The following COL11A1 variants were observed in gnomAD, a reference collection of about 807,000 sequenced individuals.
The protein encoded by COL11A1 is collagen alpha-1(XI) chain.
Under a neutral mutation model 265.2 loss-of-function variants are expected in COL11A1, and 74 were observed. The ratio of observed to expected loss-of-function variants is 0.28; its 90% CI spans 0.23 to 0.34. The LOEUF is 0.34. Among genes scored for constraint, COL11A1 ranks in the 10% least tolerant of loss-of-function variants. The probability of loss-of-function intolerance (pLI) is 1.00; values close to 1 mark genes in which losing one functional copy is unlikely to be tolerated. For synonymous variants in COL11A1, 816 were observed against 727.6 expected (o/e 1.12, Z -1.96); for missense variants, 2,165 against 2,263.6 (o/e 0.96, Z 0.88).
At chr1:103,024,394 C>G (rs1240919365) in intron 7 of COL11A1, among the ~76,000 whole-genome samples, 1 of 152,010 alleles carries the variant, frequency 6.6e-6, no homozygotes, top group Non-Finnish European at 1.5e-5. Context: ...ATTTTCTATT[C>G]CATAGTAAAT....
Position 103,032,534 on chromosome 1 carries a change from T to C in COL11A1, c.652-1290A>G, listed in dbSNP as rs549269954. On this transcript the variant is annotated intron_variant, in intron 4 of 66. Coordinates refer to ENST00000370096, the MANE Select transcript of COL11A1 (RefSeq NM_001854.4). Reference sequence around the variant, plus strand: ...CTAGCATAAGGTGGAATAAAATTAATAACTTGAAAAGATATAATCAAATAG... The same window carrying C: ...CTAGCATAAGGTGGAATAAAATTAACAACTTGAAAAGATATAATCAAATAG... Among the ~76,000 whole-genome samples the C allele has an allele frequency of 1.4e-4, 21 of 152,204 alleles. 1 individual carries two copies. The highest frequency in any genetic ancestry group is 4.8e-4 in the African/African-American group (20 of 41,582).
At chr1:103,037,802 C>A (rs1668493144) in intron 4 of COL11A1, among the ~76,000 whole-genome samples, 1 of 152,022 alleles carries the variant, frequency 6.6e-6, no homozygotes, top group African/African-American at 2.4e-5. Context: ...TCTAAGAGAG[C>A]AATTTTTTGT....
At chr1:102,960,891 T>C (rs1290583872) in intron 41 of COL11A1, among the ~76,000 whole-genome samples, 1 of 152,182 alleles carries the variant, frequency 6.6e-6, no homozygotes, top group Admixed American at 6.5e-5. Context: ...GTTAAACTAG[T>C]ATTCTATAGG....
chr1:102,916,869 C>A lies in COL11A1; in HGVS notation c.3763-1185G>T, dbSNP rs542180507. Reference sequence around the variant, plus strand: ...ATTATTTATAAAGAGAGGTATCATTCATCTCAGTAGAATGTAATGATGTTA... The same window carrying A: ...ATTATTTATAAAGAGAGGTATCATTAATCTCAGTAGAATGTAATGATGTTA... On this transcript the variant is annotated intron_variant, in intron 49 of 66. Coordinates refer to ENST00000370096, the MANE Select transcript of COL11A1 (RefSeq NM_001854.4). 6.4e-4 allele frequency among the ~76,000 whole-genome samples: 97 copies of A among 151,952 alleles called. 1 individual carries two copies. Among genetic ancestry groups the A allele is most frequent in the African/African-American group, 2.3e-3 (96 of 41,536 alleles).
chr1:103,031,076 A>G, intron 5 of COL11A1, 40 bp downstream of exon 5: 1 of 1,611,454 alleles, frequency 6.2e-7, no homozygotes, highest in South Asian at 1.1e-5. Context: ...TGTCCATATC[A>G]CTGAAATACG....
rs78308033 is a variant in COL11A1 at position 102,993,983 on chromosome 1, T to C, written c.2340+1881A>G. Reference sequence around the variant, plus strand: ...TGATCAGGATGAACTGAGATTACCGTTAAGTAGGTGAGCTAATGTGAAATG... The same window carrying C: ...TGATCAGGATGAACTGAGATTACCGCTAAGTAGGTGAGCTAATGTGAAATG... On this transcript the variant is annotated intron_variant, in intron 28 of 66. Transcript: ENST00000370096. Among the ~76,000 whole-genome samples, 1,083 of 152,308 alleles carry C rather than the reference T, an allele frequency of 7.1e-3. 13 individuals carry two copies. The highest frequency in any genetic ancestry group is 0.025 in the African/African-American group (1,029 of 41,580).
intron 64 of COL11A1, among the ~76,000 whole-genome samples, 196 bp downstream of exon 64, chr1:102,883,003 T>G (rs1183107205): frequency 1.3e-5 from 2 of 152,128 alleles, no homozygotes; most frequent in Non-Finnish European, 2.9e-5. Context: ...GGGTAAAAAA[T>G]AAAGAAGAGA....
At chr1:102,878,994 C>T (rs574875429) in intron 66 of COL11A1, among the ~76,000 whole-genome samples, 1 of 151,996 alleles carries the variant, frequency 6.6e-6, no homozygotes, top group African/African-American at 2.4e-5. Flanking sequence ...AAGCTTTTCC[C>T]AACTCTTGCT....
chr1:103,038,053 G>T (rs1327867258), intron 4 of COL11A1, among the ~76,000 whole-genome samples: 1 of 152,130 alleles, frequency 6.6e-6, no homozygotes, highest in Non-Finnish European at 1.5e-5. Flanking sequence ...GAAAAATCTT[G>T]ATGATTTGTT....
At chr1:103,098,804 T>G (rs568090345) in intron 1 of COL11A1, among the ~76,000 whole-genome samples, 1 of 151,920 alleles carries the variant, frequency 6.6e-6, no homozygotes, top group Admixed American at 6.6e-5. Context: ...GGAGACAATA[T>G]CTAAATCTCA....
rs193094745 is a variant in COL11A1, at chr1:102,893,747, A to C, written c.4303-3243T>G. Among the ~76,000 whole-genome samples the C allele has an allele frequency of 1.0e-3, 159 of 152,292 alleles. 3 individuals are homozygous for C. The Middle Eastern group carries it at 0.02, about 20-fold the overall frequency. ...TCATTGAAATTTAAAGAAACTGCAG[A>C]TCCTACACTTTATTTAAAATATAAA... is the stretch of plus-strand genomic sequence containing the variant. On this transcript the variant is annotated intron_variant, in intron 57 of 66. Coordinates refer to ENST00000370096, the MANE Select transcript of COL11A1 (RefSeq NM_001854.4).
At position 102,987,679 on chromosome 1, in the gene COL11A1, G is replaced by C. The variant is rs749913678; in HGVS notation, c.2456C>G (p.Ala819Gly). Residue 819 changes from alanine to glycine, a missense_variant, in exon 30 of 67, where the codon GCA becomes GGA. Transcript: ENST00000370096. ...EDGPEGPKGR[A>G]GPTGDPGPSG... Reference sequence around the variant, plus strand: ...AGGACCTGGGTCTCCAGTTGGGCCTGCTCGACCTTTGGGTCCTTCAGGGCC... The same window carrying C: ...AGGACCTGGGTCTCCAGTTGGGCCTCCTCGACCTTTGGGTCCTTCAGGGCC... The C allele has an allele frequency of 6.2e-7, 1 of 1,613,528 alleles. No individual in the cohort carries two copies. The highest frequency in any genetic ancestry group is 1.1e-5 in the South Asian group (1 of 91,078).
intron 49 of COL11A1, among the ~76,000 whole-genome samples, chr1:102,916,901 T>C (rs1163207105): frequency 6.6e-6 from 1 of 152,060 alleles, no homozygotes; most frequent in Non-Finnish European, 1.5e-5. Flanking sequence ...GTTAGTGATG[T>C]TTCCAAGGGC....
chr1:102,994,623 G>A (rs1248340146), intron 28 of COL11A1, among the ~76,000 whole-genome samples: 1 of 151,940 alleles, frequency 6.6e-6, no homozygotes, highest in Admixed American at 6.6e-5. Context: ...GTCTAATAGA[G>A]TATGTTCTTA....
rs1054909630 is a variant in COL11A1, at chr1:102,946,042, T to C, written c.3276+807A>G. Among the ~76,000 whole-genome samples, 34 of 139,812 alleles carry C rather than the reference T, an allele frequency of 2.4e-4. 1 individual carries two copies. The highest frequency in any genetic ancestry group is 2.9e-4 in the Non-Finnish European group (19 of 64,500). The allele number at this position is 139,812 out of a possible 152,430, so 91.7% of individuals were successfully genotyped here. A position where few individuals can be genotyped will look rare whatever the true frequency, so the allele number is the denominator to read the frequency against. ...GTCCTTTGTAGGGACATGGATGAAATTGGAAATCATCATTCTCAGTAAACT... is the reference window on the plus strand; with the variant it reads ...GTCCTTTGTAGGGACATGGATGAAACTGGAAATCATCATTCTCAGTAAACT... On this transcript the variant is annotated intron_variant, in intron 42 of 66. Transcript: ENST00000370096.
At position 102,939,783 on chromosome 1, in the gene COL11A1, G is replaced by A. The variant is rs536497722; in HGVS notation, c.3384+544C>T. Among the ~76,000 whole-genome samples, 61 of 152,082 alleles carry A rather than the reference G, an allele frequency of 4.0e-4. No individual in the cohort carries two copies. The East Asian group carries it at 9.9e-3, about 25-fold the overall frequency. On this transcript the variant is annotated intron_variant, in intron 43 of 66. Transcript: ENST00000370096. ...CTAATTTTCCAGATGCTAAAATGAT[G>A]CACATTATCAGAGTGCTGGTTTAAA...
chr1:103,032,139 C>A (rs1440487185), intron 4 of COL11A1, among the ~76,000 whole-genome samples: 2 of 152,028 alleles, frequency 1.3e-5, no homozygotes, highest in African/African-American at 4.8e-5. Flanking sequence ...AGAGTAATAT[C>A]TGGGCTGATA....
intron 4 of COL11A1, among the ~76,000 whole-genome samples, chr1:103,062,719 C>T (rs905072533): frequency 2.6e-5 from 4 of 151,954 alleles, no homozygotes; most frequent in Non-Finnish European, 5.9e-5. Context: ...GTTAATATTG[C>T]ATTTCTACAT....
At position 102,997,089 on chromosome 1, in the gene COL11A1, C is replaced by G. The variant is rs765354732; in HGVS notation, c.2232G>C (p.Lys744Asn). The change falls in exon 26 of 67, where the codon AAG becomes AAC. Residue 744 changes from lysine to asparagine, a missense_variant. Coordinates refer to ENST00000370096, the MANE Select transcript of COL11A1 (RefSeq NM_001854.4). ...ATACTTTGGAACCTACCAGAGCCCC[C>G]TTTTCTCCAGACTGGCCTTCTTTCC... Reference protein sequence around the residue: ...HPGKEGQSGEKGALGPPGPQG... With the variant: ...HPGKEGQSGENGALGPPGPQG... 1.4e-5 allele frequency: 22 copies of G among 1,611,840 alleles called. No individual in the cohort carries two copies. Among genetic ancestry groups the G allele is most frequent in the Non-Finnish European group, 1.9e-5 (22 of 1,178,434 alleles).
Sources: gnomAD v4.1 joint callset for allele counts (sites outside exome capture counted in the v4.1 genomes callset) on GRCh38, gnomAD v4.1.1 for gene constraint, MANE v1.5 for transcripts, NCBI Gene and HGNC (gene_info 2026-07-23, HGNC 2026-07-21) for gene names.